Variants in DTD2 observed in about 807,000 individuals in gnomAD.
DTD2 encodes the protein D-tyrosyl-tRNA deacylase 2 (putative).
A neutral mutation model predicts 15.5 loss-of-function variants in DTD2; 12 were observed. That is an observed-to-expected ratio of 0.77 (90% confidence interval 0.50 to 1.25). The LOEUF is 1.25. Ranked by LOEUF, DTD2 falls within the 50% of genes most tolerant of loss-of-function variation. DTD2 has a pLI of 0.00. For missense variants in DTD2, 170 were observed against 201.1 expected (o/e 0.85, Z 0.93); for synonymous variants, 59 against 77.3 (o/e 0.76, Z 1.24).
rs1227636320 is a variant in DTD2, at chr14:31,447,859, C to G, written c.*270G>C. On this transcript the variant is annotated 3_prime_UTR_variant, in exon 3 of 3. Transcript: ENST00000310850. ...AACAAAAAAACAATTAAGAACATTT[C>G]CTTAATGACTATGAAGTGAATAGAC... 3.0e-6 allele frequency: 1 copy of G among 333,594 alleles called. No individual in the cohort carries two copies. The highest frequency in any genetic ancestry group is 5.4e-6 in the Non-Finnish European group (1 of 185,736). The allele number at this position is 333,594 out of a possible 1,614,324, so 20.7% of individuals were successfully genotyped here.
intron 2 of DTD2, among the ~76,000 whole-genome samples, chr14:31,449,041 G>A (rs1001344961): frequency 5.9e-5 from 9 of 151,938 alleles, no homozygotes; most frequent in South Asian, 2.1e-4. Context: ...CTACAGGTGC[G>A]TGCCACCACA....
intron 1 of DTD2, among the ~76,000 whole-genome samples, chr14:31,455,919 A>G (rs2032090357): frequency 6.6e-6 from 1 of 152,194 alleles, no homozygotes; most frequent in Admixed American, 6.5e-5. Flanking sequence ...ATTTCAAATA[A>G]GGAAATCAAG....
chr14:31,453,258 C>A lies in DTD2; in HGVS notation c.181+17G>T, dbSNP rs371816898. 6 of 1,613,238 alleles carry A rather than the reference C, an allele frequency of 3.7e-6. No individual in the cohort carries two copies. Among genetic ancestry groups the A allele is most frequent in the Non-Finnish European group, 5.1e-6 (6 of 1,179,630 alleles). On this transcript the variant is annotated intron_variant, in intron 2 of 2. Transcript: ENST00000310850. ...TGGCCTCTCACTCTTAAAAAAGAAA[C>A]AAAGTCAAACACATACCCATTTTGG...
At position 31,447,388 on chromosome 14, in the gene DTD2, T is replaced by C. The variant is rs2139358339; in HGVS notation, c.*741A>G. On this transcript the variant is annotated 3_prime_UTR_variant, in exon 3 of 3. Transcript: ENST00000310850. ...AATTAACAAAGTTATAATTGGGTTG[T>C]GCTGAAGTTTACCTAATTTTAATAC... 6.6e-6 allele frequency: 1 copy of C among 152,344 alleles called. No individual in the cohort carries two copies. Among genetic ancestry groups the C allele is most frequent in the Admixed American group, 6.5e-5 (1 of 15,304 alleles). The allele number at this position is 152,344 out of a possible 1,614,324, so 9.4% of individuals were successfully genotyped here. A position where few individuals can be genotyped will look rare whatever the true frequency, so the allele number is the denominator to read the frequency against.
chr14:31,448,333 T>A lies in DTD2; in HGVS notation c.303A>T (p.Gly101=). 6.2e-7 allele frequency: 1 copy of A among 1,614,194 alleles called. No individual in the cohort carries two copies. The highest frequency in any genetic ancestry group is 8.5e-7 in the Non-Finnish European group (1 of 1,180,044). Residue 101 remains glycine, a synonymous_variant, in exon 3 of 3, where the codon GGA becomes GGT. Coordinates refer to ENST00000310850, the MANE Select transcript of DTD2 (RefSeq NM_080664.3). ...AGTTAGAGTGATATTGCATGTTTCT[T>A]CCTTTTAGTCTTCCTCCAAGGGTAG... The part of the protein sequence containing the change: ...PQATLGGRLK[G]RNMQYHSNSG...
intron 2 of DTD2, among the ~76,000 whole-genome samples, chr14:31,450,340 A>T (rs924129704): frequency 6.6e-6 from 1 of 152,234 alleles, no homozygotes; most frequent in East Asian, 1.9e-4. Flanking sequence ...ATCCTAAAAC[A>T]GGTTATCAAT....
intron 1 of DTD2, chr14:31,456,962 T>G (rs189618592): frequency 8.2e-5 from 31 of 379,016 alleles, no homozygotes; most frequent in Non-Finnish European, 3.4e-5. Flanking sequence ...CCGACCAGCA[T>G]AGACCACGAG....
intron 2 of DTD2, among the ~76,000 whole-genome samples, chr14:31,450,049 G>T (rs942701614): frequency 6.6e-6 from 1 of 152,160 alleles, no homozygotes; most frequent in African/African-American, 2.4e-5. Flanking sequence ...TTGACTGCTT[G>T]TAAGGAAACT....
At position 31,448,385 on chromosome 14, in the gene DTD2, G is replaced by T. The variant is rs775647096; in HGVS notation, c.251C>A (p.Pro84His). Reference sequence around the variant, plus strand: ...TTGAGGGATAATAAGAATGTTGCCAGGTAGATCCAATATAGAGACATGCTT... The same window carrying T: ...TTGAGGGATAATAAGAATGTTGCCATGTAGATCCAATATAGAGACATGCTT... Reference protein sequence around the residue: ...NGKHVSILDLPGNILIIPQAT... With the variant: ...NGKHVSILDLHGNILIIPQAT... The change falls in exon 3 of 3, where the codon CCT becomes CAT. Residue 84 changes from proline (P) to histidine (H), a missense_variant. Transcript: ENST00000310850. The T allele has an allele frequency of 1.9e-6, 3 of 1,614,142 alleles. No individual in the cohort carries two copies. In the South Asian group the frequency reaches 3.3e-5, roughly 18 times the overall value.
In DTD2 at chr14:31,447,003, A is replaced by G. The variant is rs569376969; in HGVS notation, c.*1126T>C. On this transcript the variant is annotated 3_prime_UTR_variant, in exon 3 of 3. Coordinates refer to ENST00000310850, the MANE Select transcript of DTD2 (RefSeq NM_080664.3). ...AAAAATAGACCATTAACCCATTTAT[A>G]TAGTATGTTTAATAAAAACAACTTT... 1.3e-5 allele frequency: 2 copies of G among 152,340 alleles called. No homozygotes were observed. Among genetic ancestry groups the G allele is most frequent in the South Asian group, 2.1e-4 (1 of 4,822 alleles). 9.4% of individuals were successfully genotyped at this position (152,340 alleles called of 1,614,324 possible).
At chr14:31,448,599 T>G in intron 2 of DTD2, 145 bp from the exon 3 acceptor site, 1 of 674,446 alleles carries the variant, frequency 1.5e-6, no homozygotes, top group Non-Finnish European at 2.4e-6. Flanking sequence ...AGATTTAAAA[T>G]ACTGCTTCAC....
At chr14:31,455,730 C>T (rs1285294664) in intron 1 of DTD2, among the ~76,000 whole-genome samples, 1 of 151,102 alleles carries the variant, frequency 6.6e-6, no homozygotes, top group Non-Finnish European at 1.5e-5. Flanking sequence ...TACAGGTGCC[C>T]GCCACCAAGC....
intron 2 of DTD2, among the ~76,000 whole-genome samples, chr14:31,449,574 T>C (rs2032005767): frequency 1.3e-5 from 2 of 152,218 alleles, no homozygotes; most frequent in East Asian, 1.9e-4. Context: ...TATCCATATA[T>C]AGCTAAAAGC....
intron 2 of DTD2, 60 bp from the exon 3 acceptor site, chr14:31,448,514 C>G: frequency 4.8e-6 from 7 of 1,464,986 alleles, no homozygotes; most frequent in Non-Finnish European, 6.4e-6. Context: ...AGAAAACCAT[C>G]AAGTTTTTAG....
Position 31,447,294 on chromosome 14 carries a change from T to C in DTD2, c.*835A>G, listed in dbSNP as rs926004446. ...CACCACATTTGGCCCTATATTACAT[T>C]TTCATGCATATTATTAAAAGAAATG... On this transcript the variant is annotated 3_prime_UTR_variant, in exon 3 of 3. Transcript: ENST00000310850. 6.6e-6 allele frequency: 1 copy of C among 152,006 alleles called. No individual in the cohort carries two copies. The highest frequency in any genetic ancestry group is 1.5e-5 in the Non-Finnish European group (1 of 68,004). The allele number at this position is 152,006 out of a possible 1,614,324, so 9.4% of individuals were successfully genotyped here.
chr14:31,457,398 T>C lies in DTD2; in HGVS notation c.-5A>G. 1 of 1,497,288 alleles carries C rather than the reference T, an allele frequency of 6.7e-7. No individual in the cohort carries two copies. Among genetic ancestry groups the C allele is most frequent in the Non-Finnish European group, 8.9e-7 (1 of 1,119,280 alleles). 92.8% of individuals were successfully genotyped at this position (1,497,288 alleles called of 1,614,324 possible). ...AATCCGGCTACCCTCAGCCATGGCT[T>C]AAGCCAGCGCCGCGGCCGGACAGTT... On this transcript the variant is annotated 5_prime_UTR_variant, in exon 1 of 3. Transcript: ENST00000310850.
chr14:31,453,221 G>A (rs2032058227), intron 2 of DTD2, 54 bp downstream of exon 2: 6 of 1,558,522 alleles, frequency 3.8e-6, no homozygotes, highest in African/African-American at 1.4e-5. Context: ...TTACAGGTGT[G>A]AGCACCATGC....
In DTD2 at chr14:31,454,376, A is replaced by G. The variant is rs562735230; in HGVS notation, c.112-1032T>C. Among the ~76,000 whole-genome samples the G allele has an allele frequency of 7.2e-5, 11 of 152,370 alleles. No homozygotes were observed. The South Asian group carries it at 2.1e-3, about 29-fold the overall frequency. On this transcript the variant is annotated intron_variant, in intron 1 of 2. Transcript: ENST00000310850. Reference sequence around the variant, plus strand: ...ATGTTCCAGGCTCTATGCGTTATCCAAAGAATTTTCTAGATAAATGTAAAT... The same window carrying G: ...ATGTTCCAGGCTCTATGCGTTATCCGAAGAATTTTCTAGATAAATGTAAAT...
At chr14:31,456,141 C>G (rs1264174289) in intron 1 of DTD2, among the ~76,000 whole-genome samples, 1 of 152,026 alleles carries the variant, frequency 6.6e-6, no homozygotes, top group East Asian at 1.9e-4. Context: ...GCTTGTAATC[C>G]CAGCAGTTTG....
Sources: gnomAD v4.1 joint callset for allele counts (sites outside exome capture counted in the v4.1 genomes callset) on GRCh38, gnomAD v4.1.1 for gene constraint, MANE v1.5 for transcripts, NCBI Gene and HGNC (gene_info 2026-07-23, HGNC 2026-07-21) for gene names.